Variants in GRAMD1C observed in about 807,000 individuals in gnomAD.
GRAMD1C encodes protein Aster-C.
GRAMD1C carries 89 observed loss-of-function variants against 97.8 expected under a neutral mutation model. That is an observed-to-expected ratio of 0.91 (90% CI 0.77 to 1.09). GRAMD1C has a LOEUF of 1.09. GRAMD1C is among the 50% of genes least tolerant of loss of function. GRAMD1C has a pLI of 0.00. For missense variants in GRAMD1C, 740 were observed against 766.4 expected (o/e 0.97, Z 0.41); for synonymous variants, 256 against 267.0 (o/e 0.96, Z 0.40).
At chr3:113,898,539 G>A (rs1397633568) in intron 6 of GRAMD1C, among the ~76,000 whole-genome samples, 2 of 152,014 alleles carry the variant, frequency 1.3e-5, no homozygotes, top group East Asian at 3.8e-4. Context: ...TTAATATCAA[G>A]GACAGTGGTT....
intron 6 of GRAMD1C, among the ~76,000 whole-genome samples, chr3:113,888,484 G>GT (rs1428388908): frequency 6.6e-6 from 1 of 151,960 alleles, no homozygotes; most frequent in Non-Finnish European, 1.5e-5. Context: ...TAGATCTTAA[G>GT]TTTTTTCACC....
intron 10 of GRAMD1C, among the ~76,000 whole-genome samples, chr3:113,917,723 C>T (rs1385047207): frequency 7.1e-6 from 1 of 141,636 alleles, no homozygotes; most frequent in Non-Finnish European, 1.5e-5. Context: ...GACAGGGTCT[C>T]GCTCTGTCAC....
intron 6 of GRAMD1C, among the ~76,000 whole-genome samples, chr3:113,892,129 GT>G (rs1478931856): frequency 1.3e-5 from 2 of 152,042 alleles, no homozygotes; most frequent in East Asian, 3.8e-4. Context: ...AGCCAAATAT[GT>G]TTCCTTTGAA....
intron 3 of GRAMD1C, among the ~76,000 whole-genome samples, chr3:113,873,890 G>T (rs1395715346): frequency 6.6e-6 from 1 of 152,140 alleles, no homozygotes; most frequent in Non-Finnish European, 1.5e-5. Flanking sequence ...TTGATAAAAT[G>T]GTTTGGTGGT....
chr3:113,829,331 C>T (rs1037140777), intron 1 of GRAMD1C, among the ~76,000 whole-genome samples: 1 of 152,104 alleles, frequency 6.6e-6, no homozygotes, highest in Non-Finnish European at 1.5e-5. Flanking sequence ...GCCTGTGGCC[C>T]CAGGTACTTG....
At chr3:113,877,412 A>G (rs1381072613) in intron 5 of GRAMD1C, among the ~76,000 whole-genome samples, 1 of 152,228 alleles carries the variant, frequency 6.6e-6, no homozygotes, top group Non-Finnish European at 1.5e-5. Flanking sequence ...CTTTATAGCA[A>G]ACAGACTCAG....
chr3:113,925,026 C>T (rs1937186635), intron 10 of GRAMD1C, among the ~76,000 whole-genome samples: 1 of 151,986 alleles, frequency 6.6e-6, no homozygotes, highest in Non-Finnish European at 1.5e-5. Context: ...TATGTAATGC[C>T]CTTATTTGTC....
At chr3:113,911,883 A>C (rs1218151269) in intron 9 of GRAMD1C, among the ~76,000 whole-genome samples, 3 of 151,978 alleles carry the variant, frequency 2.0e-5, no homozygotes, top group Non-Finnish European at 2.9e-5. Flanking sequence ...GCCCACCACC[A>C]TGCCCAGCTA....
In GRAMD1C at chr3:113,919,420, A is replaced by C; in HGVS notation, c.1090+3582A>C. The C allele has an allele frequency of 5.8e-6, 3 of 513,582 alleles. No homozygotes were observed. The Admixed American group carries it at 6.3e-5, about 11-fold the overall frequency. The allele number at this position is 513,582 out of a possible 1,614,324, so 31.8% of individuals were successfully genotyped here. On this transcript the variant is annotated intron_variant, in intron 10 of 17. Transcript: ENST00000358160. ...CTGGATAGAGGCTAGAGCACCAAGG[A>C]ATTAGAATTGAATTTATAGGTCAAA... is the stretch of plus-strand genomic sequence containing the variant.
At position 113,869,518 on chromosome 3, in the gene GRAMD1C, C is replaced by T. The variant is rs1334826781; in HGVS notation, c.186C>T (p.Ser62=). Residue 62 remains serine (S), a synonymous_variant, in exon 3 of 18, where the codon TCC becomes TCT. Coordinates refer to ENST00000358160, the MANE Select transcript of GRAMD1C (RefSeq NM_017577.5). ...TTTTATTGTTGCAGATTTCAAGTTC[C>T]ACCTATAAAGACAGGAATGAGGAAT... The part of the protein sequence containing the change: ...SGDWSFWISS[S]TYKDRNEEYR... 1.3e-6 allele frequency: 2 copies of T among 1,481,520 alleles called. No homozygotes were observed. The highest frequency in any genetic ancestry group is 1.4e-5 in the African/African-American group (1 of 71,610). 91.8% of individuals were successfully genotyped at this position (1,481,520 alleles called of 1,614,324 possible).
rs149240067 is a variant in GRAMD1C at position 113,891,164 on chromosome 3, C to T, written c.540+8332C>T. Reference sequence around the variant, plus strand: ...CAGAATGGTGTCTGTTTCTGCTCCACAAGAAGACAAAAATGTTTAAGCATA... The same window carrying T: ...CAGAATGGTGTCTGTTTCTGCTCCATAAGAAGACAAAAATGTTTAAGCATA... On this transcript the variant is annotated intron_variant, in intron 6 of 17. Transcript: ENST00000358160. The T allele has an allele frequency of 1.1e-3, 184 of 162,500 alleles. 1 individual carries two copies. The highest frequency in any genetic ancestry group is 4.0e-3 in the African/African-American group (170 of 41,976). The allele number at this position is 162,500 out of a possible 1,614,324, so 10.1% of individuals were successfully genotyped here.
At chr3:113,933,251 C>T (rs1053810067) in intron 11 of GRAMD1C, among the ~76,000 whole-genome samples, 3 of 152,034 alleles carry the variant, frequency 2.0e-5, no homozygotes, top group Admixed American at 6.6e-5. Flanking sequence ...AGGCTGGTCC[C>T]GAATTCCTGA....
At chr3:113,940,114 C>A (rs1171388117) in intron 16 of GRAMD1C, 118 bp downstream of exon 16, 4 of 850,604 alleles carry the variant, frequency 4.7e-6, no homozygotes, top group South Asian at 1.5e-5. Context: ...TAGCCATAAA[C>A]AGCCTGTTTT....
rs1256355179 is a variant in GRAMD1C, at chr3:113,875,503, GA to G, written c.280del (p.Arg94GlyfsTer33). On this transcript the variant is annotated frameshift_variant, in exon 4 of 18. Coordinates refer to ENST00000358160, the MANE Select transcript of GRAMD1C (RefSeq NM_017577.5). LOFTEE classifies it high-confidence loss of function. ...LIADYACALQRDILLQGRLYL... is the reference protein window; with the variant it reads ...LIADYACALQXDILLQGRLYL... ...ATATAGATTATGCTTGTGCTCTTCA[GA>G]GGGACATTTTGCTTCAGGGACGACT... 6.7e-7 allele frequency: 1 copy of G among 1,496,588 alleles called. No homozygotes were observed. Among genetic ancestry groups the G allele is most frequent in the Non-Finnish European group, 9.3e-7 (1 of 1,071,662 alleles). 92.7% of individuals were successfully genotyped at this position (1,496,588 alleles called of 1,614,324 possible).
intron 2 of GRAMD1C, among the ~76,000 whole-genome samples, chr3:113,849,965 C>T (rs1160740061): frequency 2.4e-5 from 3 of 124,162 alleles, no homozygotes; most frequent in African/African-American, 3.5e-5. Flanking sequence ...GCTGACCGGG[C>T]GGGGGGCTGA....
intron 6 of GRAMD1C, among the ~76,000 whole-genome samples, chr3:113,893,030 G>A (rs1487141152): frequency 1.3e-5 from 2 of 152,062 alleles, no homozygotes; most frequent in African/African-American, 2.4e-5. Context: ...CATAAATAAA[G>A]TTTTATTGGA....
At chr3:113,926,827 A>T (rs1379353633) in intron 10 of GRAMD1C, among the ~76,000 whole-genome samples, 1 of 152,178 alleles carries the variant, frequency 6.6e-6, no homozygotes, top group Non-Finnish European at 1.5e-5. Context: ...CTAGAGTTAG[A>T]ACACATAGTT....
At position 113,939,963 on chromosome 3, in the gene GRAMD1C, A is replaced by T; in HGVS notation, c.1769A>T (p.Tyr590Phe). The change falls in exon 16 of 18, where the codon TAC becomes TTC. Residue 590 changes from tyrosine to phenylalanine, a missense_variant. Transcript: ENST00000358160. ...SKIEHAAQSF[Y>F]RLRLQEEKSL... ...ATAGAACATGCTGCTCAGTCCTTTTACCGTCTCCGCCTCCAAGAAGAGAAA... is the reference window on the plus strand; with the variant it reads ...ATAGAACATGCTGCTCAGTCCTTTTTCCGTCTCCGCCTCCAAGAAGAGAAA... 1 of 1,603,372 alleles carries T rather than the reference A, an allele frequency of 6.2e-7. No individual in the cohort carries two copies. The highest frequency in any genetic ancestry group is 1.1e-5 in the South Asian group (1 of 90,830).
At chr3:113,885,277 G>A (rs1461440897) in intron 6 of GRAMD1C, 20 of 1,403,120 alleles carry the variant, frequency 1.4e-5, no homozygotes, top group African/African-American at 4.2e-5. Flanking sequence ...CTCCGGGGCC[G>A]GCGGTGCCGG....
Sources: gnomAD v4.1 joint callset for allele counts (sites outside exome capture counted in the v4.1 genomes callset) on GRCh38, gnomAD v4.1.1 for gene constraint, MANE v1.5 for transcripts, NCBI Gene and HGNC (gene_info 2026-07-23, HGNC 2026-07-21) for gene names.